The following SUZ12 variants were observed in gnomAD, a reference collection of about 807,000 sequenced individuals.
SUZ12 encodes SUZ12 polycomb repressive complex 2 subunit, also known as polycomb protein SUZ12.
Under a neutral mutation model 87.3 loss-of-function variants are expected in SUZ12, and 17 were observed. That is an observed-to-expected ratio of 0.19 (90% confidence interval 0.13 to 0.29). The LOEUF (loss-of-function observed/expected upper bound fraction) is 0.29. SUZ12 is among the 10% of genes least tolerant of loss of function. SUZ12 has a pLI of 1.00. For missense variants in SUZ12, 526 were observed against 912.2 expected (o/e 0.58, Z 5.45); for synonymous variants, 253 against 312.4 (o/e 0.81, Z 2.01).
chr17:31,999,013 A>G lies in SUZ12; in HGVS notation c.*10A>G, dbSNP rs1238101630. The G allele has an allele frequency of 6.6e-7, 1 of 1,519,270 alleles. No homozygotes were observed. The highest frequency in any genetic ancestry group is 2.4e-5 in the Admixed American group (1 of 41,318). 94.1% of individuals were successfully genotyped at this position (1,519,270 alleles called of 1,614,324 possible). A position where few individuals can be genotyped will look rare whatever the true frequency, so the allele number is the denominator to read the frequency against. On this transcript the variant is annotated 3_prime_UTR_variant, in exon 16 of 16. Transcript: ENST00000322652. ...AAAACAAAAACTCTGAAAAGCTCTA[A>G]CCCCATGTTATGGACAAACACTGAA...
At chr17:31,941,740 G>A in intron 3 of SUZ12, among the ~76,000 whole-genome samples, 1 of 151,976 alleles carries the variant, frequency 6.6e-6, no homozygotes, top group African/African-American at 2.4e-5. Context: ...TGGTAGAGAT[G>A]GGGTTTCTCT....
intron 4 of SUZ12, among the ~76,000 whole-genome samples, chr17:31,955,428 G>T (rs150967977): frequency 6.6e-6 from 1 of 151,974 alleles, no homozygotes; most frequent in Non-Finnish European, 1.5e-5. Context: ...GACCACAGGC[G>T]CAAGATACCA....
At chr17:31,984,448 G>T (rs1330056389) in intron 9 of SUZ12, among the ~76,000 whole-genome samples, 5 of 152,182 alleles carry the variant, frequency 3.3e-5, no homozygotes, top group African/African-American at 1.2e-4. Flanking sequence ...ATACTGCAGT[G>T]AGGAAGACCT....
Position 31,947,692 on chromosome 17 carries a change from T to A in SUZ12, c.455+7T>A. On this transcript the variant is annotated splice_region_variant and intron_variant, in intron 4 of 15. Coordinates refer to ENST00000322652, the MANE Select transcript of SUZ12 (RefSeq NM_015355.4). ...GAGAGCAAGAATCTCATAGGTAAGA[T>A]AATCTATCAGTTTACATTAAGTGAT... The A allele has an allele frequency of 6.2e-7, 1 of 1,607,110 alleles. No homozygotes were observed. The highest frequency in any genetic ancestry group is 8.5e-7 in the Non-Finnish European group (1 of 1,176,002).
chr17:31,940,153 T>C (rs1906186382), intron 1 of SUZ12, 133 bp from the exon 2 acceptor site: 1 of 1,318,094 alleles, frequency 7.6e-7, no homozygotes, highest in East Asian at 2.4e-5. Context: ...GATGTAAATA[T>C]TTAGTGCGAT....
chr17:31,990,439 G>A (rs2142208713), intron 10 of SUZ12, among the ~76,000 whole-genome samples: 1 of 150,484 alleles, frequency 6.6e-6, no homozygotes, highest in Non-Finnish European at 1.5e-5. Flanking sequence ...TCTCGGCTCA[G>A]CACAACCTCC....
chr17:31,977,368 C>T (rs2142182127), intron 8 of SUZ12, among the ~76,000 whole-genome samples: 1 of 151,840 alleles, frequency 6.6e-6, no homozygotes, highest in South Asian at 2.1e-4. Context: ...ACCCCTCTGC[C>T]ACCTGGGTTT....
chr17:31,963,462 ACTTAAGTTGTG>A (rs796655564), intron 4 of SUZ12, among the ~76,000 whole-genome samples: 4 of 150,180 alleles, frequency 2.7e-5, no homozygotes, highest in African/African-American at 9.8e-5. Flanking sequence ...CCCAGCTGAT[ACTTAAGTTGTG>A]GTGGTGGTTC....
Position 31,999,862 on chromosome 17 carries a change from C to T in SUZ12, c.*859C>T, listed in dbSNP as rs1410122884. ...TTAGGATTGCAAACCAAGGAAAGAA[C>T]GCATTTGAGATTTTAAGATGTCACT... On this transcript the variant is annotated 3_prime_UTR_variant, in exon 16 of 16. Coordinates refer to ENST00000322652, the MANE Select transcript of SUZ12 (RefSeq NM_015355.4). 1.7e-5 allele frequency: 4 copies of T among 232,008 alleles called. No individual in the cohort carries two copies. The highest frequency in any genetic ancestry group is 1.8e-4 in the South Asian group (1 of 5,516). 14.4% of individuals were successfully genotyped at this position (232,008 alleles called of 1,614,324 possible). A position where few individuals can be genotyped will look rare whatever the true frequency, so the allele number is the denominator to read the frequency against.
chr17:31,965,977 A>G (rs1359973461), intron 4 of SUZ12, 170 bp from the exon 5 acceptor site: 1 of 547,854 alleles, frequency 1.8e-6, no homozygotes, highest in East Asian at 3.1e-5. Flanking sequence ...ACACTTTTGG[A>G]TGTCATATTT....
chr17:31,954,252 G>A (rs1212452039), intron 4 of SUZ12, among the ~76,000 whole-genome samples: 5 of 151,878 alleles, frequency 3.3e-5, no homozygotes, highest in Non-Finnish European at 7.4e-5. Flanking sequence ...TGGTAGAGAC[G>A]GGGTTTCACC....
intron 3 of SUZ12, among the ~76,000 whole-genome samples, chr17:31,945,376 C>G (rs1351781887): frequency 4.6e-5 from 7 of 152,170 alleles, no homozygotes; most frequent in Non-Finnish European, 8.8e-5. Context: ...TCAGCTTGTG[C>G]TTTACTCTTT....
chr17:31,993,331 C>T lies in SUZ12; in HGVS notation c.1291C>T (p.Gln431Ter). ...ENRQKLRIFY[Q>*]FLYNNNTRQQ... ...CCGACAAAAATTAAGAATATTTTAT[C>T]AGGTAAACATAGCTGACCCTTCTTA... Residue 431 changes from glutamine (Q) to a stop codon, truncating the protein, a stop_gained and splice_region_variant, in exon 11 of 16, where the codon CAG (glutamine) becomes TAG (stop). Transcript: ENST00000322652. LOFTEE classifies it high-confidence loss of function. 6.5e-7 allele frequency: 1 copy of T among 1,547,008 alleles called. No homozygotes were observed. The highest frequency in any genetic ancestry group is 1.2e-5 in the South Asian group (1 of 83,758).
intron 10 of SUZ12, among the ~76,000 whole-genome samples, chr17:31,990,949 A>G (rs989953577): frequency 6.6e-6 from 1 of 151,814 alleles, no homozygotes; most frequent in Non-Finnish European, 1.5e-5. Flanking sequence ...GGATTTTGCC[A>G]TCACCCATGC....
intron 5 of SUZ12, among the ~76,000 whole-genome samples, chr17:31,968,753 C>CT (rs1567824814): frequency 6.6e-6 from 1 of 152,084 alleles, no homozygotes; most frequent in East Asian, 1.9e-4. Context: ...CGTGTCTAGA[C>CT]TTTAATTCTT....
intron 8 of SUZ12, among the ~76,000 whole-genome samples, chr17:31,980,181 T>A (rs915027163): frequency 6.6e-6 from 1 of 151,904 alleles, no homozygotes; most frequent in African/African-American, 2.4e-5. Context: ...AAAATTTTTT[T>A]AAAGTTACAT....
intron 8 of SUZ12, among the ~76,000 whole-genome samples, chr17:31,980,429 C>CTTT (rs58491591): frequency 0.012 from 647 of 53,794 alleles, 131 homozygotes; most frequent in East Asian, 0.037. Flanking sequence ...TCACCTTCTC[C>CTTT]TTTTTTTTTT....
In SUZ12 at chr17:31,966,437, T is replaced by G. The variant is rs1473379151; in HGVS notation, c.505+241T>G. 1.8e-5 allele frequency: 7 copies of G among 397,034 alleles called. No homozygotes were observed. The East Asian group carries it at 3.6e-4, about 21-fold the overall frequency. The allele number at this position is 397,034 out of a possible 1,614,324, so 24.6% of individuals were successfully genotyped here. ...ATCTTGGCTGACTGCAGCCTCCACC[T>G]CCCGGGTTCAAGCGATTCTCCTGCC... On this transcript the variant is annotated intron_variant, in intron 5 of 15. Coordinates refer to ENST00000322652, the MANE Select transcript of SUZ12 (RefSeq NM_015355.4).
chr17:31,952,590 T>C (rs2142137091), intron 4 of SUZ12, among the ~76,000 whole-genome samples: 1 of 152,310 alleles, frequency 6.6e-6, no homozygotes, highest in Admixed American at 6.5e-5. Flanking sequence ...TGAGATGGAA[T>C]GTGGCTTTGT....
Sources: allele counts gnomAD v4.1 joint callset (sites outside exome capture counted in the v4.1 genomes callset), GRCh38; gene constraint gnomAD v4.1.1; transcripts MANE v1.5; gene names NCBI Gene and HGNC (gene_info 2026-07-23, HGNC 2026-07-21).